The following LRRC18 variants were observed in gnomAD, a reference collection of about 807,000 sequenced individuals.
LRRC18 encodes the protein leucine rich repeat containing 18, also known as leucine-rich repeat-containing protein 18.
Under a neutral mutation model 11.2 loss-of-function variants are expected in LRRC18, and 12 were observed. The observed-to-expected ratio is 1.07, with a 90% CI of 0.69 to 1.74. LRRC18 has a LOEUF of 1.74. LRRC18 is among the 40% of genes most tolerant of loss of function. The pLI, the probability that LRRC18 is intolerant of heterozygous loss-of-function variation, is 0.00. For missense variants in LRRC18, 374 were observed against 330.5 expected (o/e 1.13, Z -1.02); for synonymous variants, 155 against 130.6 (o/e 1.19, Z -1.27).
the LRRC18 span, among the ~76,000 whole-genome samples, chr10:48,929,905 C>G: frequency 1.3e-5 from 2 of 152,070 alleles, no homozygotes; most frequent in Non-Finnish European, 2.9e-5. Context: ...ACTGACCTTC[C>G]CCCACACACT....
chr10:48,927,956 C>T, the LRRC18 span, among the ~76,000 whole-genome samples: 1 of 152,160 alleles, frequency 6.6e-6, no homozygotes, highest in African/African-American at 2.4e-5. Context: ...ACCCTATGTT[C>T]AAAACACACA....
At chr10:48,913,908 T>G (rs1315257689) in exon 1 of LRRC18, 5 of 1,614,178 alleles carry the variant, frequency 3.1e-6, no homozygotes, top group Non-Finnish European at 4.2e-6. Flanking sequence ...GTCTATGTAG[T>G]TGCTGTGCAG....
exon 2 of LRRC18, chr10:48,909,520 T>A (rs1478454634): frequency 6.6e-6 from 1 of 152,200 alleles, no homozygotes; most frequent in Non-Finnish European, 1.5e-5. Flanking sequence ...TCATGGTTCT[T>A]ACAAGCTGTA....
At chr10:48,931,007 T>C in the LRRC18 span, among the ~76,000 whole-genome samples, 1 of 152,070 alleles carries the variant, frequency 6.6e-6, no homozygotes, top group African/African-American at 2.4e-5. Context: ...TATGTCTACA[T>C]AGTTTTTAAA....
the LRRC18 span, among the ~76,000 whole-genome samples, chr10:48,920,854 A>G: frequency 2.0e-5 from 3 of 152,246 alleles, no homozygotes; most frequent in Non-Finnish European, 4.4e-5. Flanking sequence ...TTGCATTTCC[A>G]TATTACTAGC....
chr10:48,933,066 A>T, the LRRC18 span, among the ~76,000 whole-genome samples: 1 of 152,180 alleles, frequency 6.6e-6, no homozygotes, highest in Non-Finnish European at 1.5e-5. Context: ...GAGACAGGCC[A>T]GCTGCAGGCA....
At chr10:48,915,618 G>A (rs1443401973), upstream of LRRC18, among the ~76,000 whole-genome samples, 2 of 152,108 alleles carry the variant, frequency 1.3e-5, no homozygotes, top group African/African-American at 4.8e-5. Flanking sequence ...TGGGAATATA[G>A]TTGTATGTTT....
the LRRC18 span, among the ~76,000 whole-genome samples, chr10:48,928,654 C>T: frequency 6.6e-6 from 1 of 152,194 alleles, no homozygotes; most frequent in African/African-American, 2.4e-5. Context: ...ACATGGAATT[C>T]TTTCTGCACT....
At chr10:48,914,873 A>T (rs1476403911), upstream of LRRC18, among the ~76,000 whole-genome samples, 1 of 152,046 alleles carries the variant, frequency 6.6e-6, no homozygotes, top group Non-Finnish European at 1.5e-5. Flanking sequence ...ACACAGGGGG[A>T]TGGGGGGTGC....
chr10:48,913,266 T>A, intron 1 of LRRC18, 126 bp downstream of exon 3: 2 of 888,678 alleles, frequency 2.3e-6, no homozygotes, highest in Admixed American at 4.6e-5. Flanking sequence ...GAAAGGAGTT[T>A]TATGGGCTTG....
chr10:48,921,264 T>C, the LRRC18 span, among the ~76,000 whole-genome samples: 3 of 152,238 alleles, frequency 2.0e-5, no homozygotes, highest in African/African-American at 7.2e-5. Flanking sequence ...ATGGGACAGG[T>C]AGATAGGTCA....
At chr10:48,921,030 A>G in the LRRC18 span, among the ~76,000 whole-genome samples, 4 of 152,214 alleles carry the variant, frequency 2.6e-5, no homozygotes, top group South Asian at 8.3e-4. Context: ...GAAACATACC[A>G]TGTTCGTGAA....
the LRRC18 span, among the ~76,000 whole-genome samples, chr10:48,925,741 T>A: frequency 6.6e-6 from 1 of 151,854 alleles, no homozygotes; most frequent in Non-Finnish European, 1.5e-5. Flanking sequence ...GAAGCAGGGG[T>A]TGGAATCTTA....
At chr10:48,918,204 A>T (rs1454305146), upstream of LRRC18, among the ~76,000 whole-genome samples, 1 of 152,234 alleles carries the variant, frequency 6.6e-6, no homozygotes, top group Non-Finnish European at 1.5e-5. Flanking sequence ...AACAACTATT[A>T]AAATGATAGA....
At chr10:48,928,950 A>T in the LRRC18 span, among the ~76,000 whole-genome samples, 1 of 152,254 alleles carries the variant, frequency 6.6e-6, no homozygotes. Context: ...GGTCCCGCTC[A>T]CATTCTAGAA....
chr10:48,916,498 G>T (rs1172134387), upstream of LRRC18, among the ~76,000 whole-genome samples: 1 of 152,228 alleles, frequency 6.6e-6, no homozygotes, highest in Non-Finnish European at 1.5e-5. Flanking sequence ...TGACCAAACT[G>T]TGGTCCTCAG....
chr10:48,927,660 C>T, the LRRC18 span, among the ~76,000 whole-genome samples: 2 of 152,248 alleles, frequency 1.3e-5, no homozygotes, highest in Admixed American at 1.3e-4. Context: ...CAGCGTGGCT[C>T]TGCACATGTG....
chr10:48,935,607 T>A, the LRRC18 span, among the ~76,000 whole-genome samples: 30 of 152,268 alleles, frequency 2.0e-4, no homozygotes, highest in Non-Finnish European at 4.0e-4. Context: ...CTTTGGTTTT[T>A]GAGAGGGCTG....
At position 48,910,467 on chromosome 10, in the gene LRRC18, G is replaced by C. The variant is rs542313620; in HGVS notation, c.765-209C>G. Among the ~76,000 whole-genome samples the C allele has an allele frequency of 2.0e-5, 3 of 152,314 alleles. No homozygotes were observed. The South Asian group carries it at 6.2e-4, about 32-fold the overall frequency. The stretch of plus-strand genomic sequence containing the variant: ...TTTTATGCTTAATACAATTTCCAAG[G>C]AGTAAAGGTGACTGAGGTATTTTAG... On this transcript the variant is annotated intron_variant, in intron 1 of 1. Transcript: ENST00000374160.
Sources: gnomAD v4.1 joint callset for allele counts (sites outside exome capture counted in the v4.1 genomes callset) on GRCh38, gnomAD v4.1.1 for gene constraint, MANE v1.5 for transcripts, NCBI Gene and HGNC (gene_info 2026-07-23, HGNC 2026-07-21) for gene names.